WWOX: variants seen among roughly 807,000 people sequenced by gnomAD.
WWOX encodes WW domain-containing oxidoreductase.
WWOX carries 69 observed loss-of-function variants against 46.2 expected under a neutral mutation model. That is an observed-to-expected ratio of 1.49 (90% confidence interval 1.23 to 1.82). The LOEUF is 1.82. Ranked by LOEUF, WWOX falls within the 40% of genes most tolerant of loss-of-function variation. WWOX has a pLI of 0.00. For missense variants in WWOX, 919 were observed against 542.6 expected, an observed-to-expected ratio of 1.69 and a Z score of -6.89; for synonymous variants, 359 against 202.6, an observed-to-expected ratio of 1.77 and a Z score of -6.56.
chr16:79,027,994 T>C lies in WWOX; in HGVS notation c.1057-183614T>C, dbSNP rs146509607. 4.8e-3 allele frequency among the ~76,000 whole-genome samples: 725 copies of C among 151,904 alleles called. 32 individuals are homozygous for C. Among genetic ancestry groups the C allele is most frequent in the African/African-American group, 0.017 (684 of 41,210 alleles). ...TGAGACGGAGTGTCGCTCTGTCGCCTAGGCTGGAGTGCAGTGGTGCAATCT... is the reference window on the plus strand; with the variant it reads ...TGAGACGGAGTGTCGCTCTGTCGCCCAGGCTGGAGTGCAGTGGTGCAATCT... On this transcript the variant is annotated intron_variant, in intron 8 of 8. Coordinates refer to ENST00000566780, the MANE Select transcript of WWOX (RefSeq NM_016373.4).
intron 8 of WWOX, among the ~76,000 whole-genome samples, chr16:79,154,553 C>G (rs975307744): frequency 6.6e-6 from 1 of 150,394 alleles, no homozygotes; most frequent in Non-Finnish European, 1.5e-5. Context: ...TATAGCCACT[C>G]TTTTCTGAAG....
Position 78,578,363 on chromosome 16 carries a change from C to G in WWOX, c.1056+145611C>G, listed in dbSNP as rs550262626. ...GGAGTGCAGTGGCGCAATCTCGGCTCACTGCAAGCTCCGCCTCCCGGGTTC... is the reference window on the plus strand; with the variant it reads ...GGAGTGCAGTGGCGCAATCTCGGCTGACTGCAAGCTCCGCCTCCCGGGTTC... On this transcript the variant is annotated intron_variant, in intron 8 of 8. Transcript: ENST00000566780. 2.0e-3 allele frequency among the ~76,000 whole-genome samples: 269 copies of G among 136,586 alleles called. 1 individual carries two copies. The highest frequency in any genetic ancestry group is 3.9e-3 in the Admixed American group (50 of 12,806). 89.6% of individuals were successfully genotyped at this position (136,586 alleles called of 152,430 possible). A position where few individuals can be genotyped will look rare whatever the true frequency, so the allele number is the denominator to read the frequency against.
intron 8 of WWOX, among the ~76,000 whole-genome samples, chr16:78,718,095 G>GTTTTTTTTTTTTATTTTTTT (rs2048610447): frequency 6.9e-6 from 1 of 145,764 alleles, no homozygotes; most frequent in African/African-American, 2.6e-5. Context: ...TCTGGTGGTT[G>GTTTTTTTTTTTTATTTTTTT]TATTTTTGCC....
intron 8 of WWOX, among the ~76,000 whole-genome samples, chr16:78,717,741 C>T (rs771162564): frequency 6.6e-6 from 1 of 152,170 alleles, no homozygotes; most frequent in Non-Finnish European, 1.5e-5. Context: ...TTGGGTTGGA[C>T]TCTGATGGAT....
chr16:78,758,781 T>A (rs908166132), intron 8 of WWOX, among the ~76,000 whole-genome samples: 1 of 152,106 alleles, frequency 6.6e-6, no homozygotes, highest in Non-Finnish European at 1.5e-5. Flanking sequence ...AGGGCAATGA[T>A]GTATACAAGA....
chr16:78,254,302 C>T (rs768572767), intron 5 of WWOX, among the ~76,000 whole-genome samples: 36 of 151,796 alleles, frequency 2.4e-4, no homozygotes, highest in Admixed American at 1.3e-4. Context: ...CAGGGCTAGT[C>T]TCGAACTCCT....
chr16:79,138,421 T>G (rs1229118902), intron 8 of WWOX, among the ~76,000 whole-genome samples: 1 of 152,166 alleles, frequency 6.6e-6, no homozygotes, highest in East Asian at 1.9e-4. Flanking sequence ...TGCCACAGTT[T>G]AAGTATCACC....
Position 79,066,108 on chromosome 16 carries a change from T to C in WWOX, c.1057-145500T>C, listed in dbSNP as rs115182710. ...ACACCTGTCTCCTGTCTCCTGCTTT[T>C]TCTTTTTGTGCACTGCCCAAGAACC... On this transcript the variant is annotated intron_variant, in intron 8 of 8. Transcript: ENST00000566780. Among the ~76,000 whole-genome samples, 824 of 152,306 alleles carry C rather than the reference T, an allele frequency of 5.4e-3. 9 individuals are homozygous for C. Among genetic ancestry groups the C allele is most frequent in the African/African-American group, 0.019 (782 of 41,570 alleles).
chr16:79,091,775 C>CTTTTTTTTTTT lies in WWOX; in HGVS notation c.1057-119830_1057-119829insTTTTTTTTTTT, dbSNP rs771753213. Among the ~76,000 whole-genome samples, 65 of 126,814 alleles carry CTTTTTTTTTTT rather than the reference C, an allele frequency of 5.1e-4. 1 individual carries two copies. Among genetic ancestry groups the CTTTTTTTTTTT allele is most frequent in the South Asian group, 7.7e-4 (3 of 3,882 alleles). 83.2% of individuals were successfully genotyped at this position (126,814 alleles called of 152,430 possible). On this transcript the variant is annotated intron_variant, in intron 8 of 8. Coordinates refer to ENST00000566780, the MANE Select transcript of WWOX (RefSeq NM_016373.4). ...CGACCGCATCTTTTTCTTTTCTTTT[C>CTTTTTTTTTTT]TTTGTTTTTTTTTTTTTTTTTTTTG...
intron 8 of WWOX, among the ~76,000 whole-genome samples, chr16:79,056,443 A>C (rs1051360240): frequency 2.0e-5 from 3 of 152,184 alleles, no homozygotes; most frequent in Admixed American, 1.3e-4. Flanking sequence ...GGATAGGTAA[A>C]TGTATCTGGG....
At position 78,774,509 on chromosome 16, in the gene WWOX, TGTGTGTGTGTGTGTGTGTGTGTGC is replaced by T. The variant is rs796782220; in HGVS notation, c.1056+341759_1056+341782del. ...GACAGACCCATTTTGTGTGTGTGTGTGTGTGTGTGTGTGTGTGTGTGTGCGCGTGCGCACACGCATGAGCCTGTA... is the reference window on the plus strand; with the variant it reads ...GACAGACCCATTTTGTGTGTGTGTGTGCGTGCGCACACGCATGAGCCTGTA... On this transcript the variant is annotated intron_variant, in intron 8 of 8. Coordinates refer to ENST00000566780, the MANE Select transcript of WWOX (RefSeq NM_016373.4). 2.2e-4 allele frequency among the ~76,000 whole-genome samples: 11 copies of T among 49,370 alleles called. No homozygotes were observed. The South Asian group carries it at 5.6e-3, about 25-fold the overall frequency. 32.4% of individuals were successfully genotyped at this position (49,370 alleles called of 152,430 possible). A position where few individuals can be genotyped will look rare whatever the true frequency, so the allele number is the denominator to read the frequency against.
At chr16:79,109,649 C>G (rs1007740077) in intron 8 of WWOX, among the ~76,000 whole-genome samples, 2 of 152,094 alleles carry the variant, frequency 1.3e-5, no homozygotes, top group Admixed American at 6.6e-5. Flanking sequence ...AAAATGAACA[C>G]TGGGGTATTT....
chr16:79,123,186 G>A (rs958011984), intron 8 of WWOX, among the ~76,000 whole-genome samples: 4 of 152,114 alleles, frequency 2.6e-5, no homozygotes, highest in Non-Finnish European at 4.4e-5. Flanking sequence ...CCGCTGGTCT[G>A]TGCTCAACAG....
intron 8 of WWOX, among the ~76,000 whole-genome samples, chr16:79,008,338 T>C (rs898564856): frequency 1.3e-5 from 2 of 152,216 alleles, no homozygotes; most frequent in Non-Finnish European, 2.9e-5. Flanking sequence ...AGCGATTAGA[T>C]CAGTCCCACT....
intron 8 of WWOX, among the ~76,000 whole-genome samples, chr16:78,485,813 T>C (rs955619521): frequency 2.0e-5 from 3 of 152,198 alleles, no homozygotes; most frequent in Admixed American, 6.5e-5. Flanking sequence ...GCAAACCTAC[T>C]TTCCACCGCC....
At position 78,343,792 on chromosome 16, in the gene WWOX, G is replaced by A. The variant is rs564741280; in HGVS notation, c.517-43068G>A. Among the ~76,000 whole-genome samples, 18 of 120,562 alleles carry A rather than the reference G, an allele frequency of 1.5e-4. 6 individuals are homozygous for A. Among genetic ancestry groups the A allele is most frequent in the Non-Finnish European group, 3.4e-4 (17 of 50,368 alleles). 79.1% of individuals were successfully genotyped at this position (120,562 alleles called of 152,430 possible). On this transcript the variant is annotated intron_variant, in intron 5 of 8. Coordinates refer to ENST00000566780, the MANE Select transcript of WWOX (RefSeq NM_016373.4). ...ATACCAAGGACTAAAGGAGTGACTT[G>A]CTCTCAGTTCTTTGTCATTCAGCTG...
chr16:78,173,956 A>G (rs578152652), intron 5 of WWOX, among the ~76,000 whole-genome samples: 2 of 148,578 alleles, frequency 1.3e-5, no homozygotes, highest in African/African-American at 4.9e-5. Context: ...GCTGAGAGGA[A>G]TTGAGAGAGA....
intron 6 of WWOX, among the ~76,000 whole-genome samples, chr16:78,410,707 A>G (rs978483864): frequency 6.6e-6 from 1 of 151,522 alleles, no homozygotes; most frequent in Non-Finnish European, 1.5e-5. Flanking sequence ...TTGGGGGGCT[A>G]AGGCTGGAGA....
intron 8 of WWOX, among the ~76,000 whole-genome samples, chr16:79,079,941 CT>C (rs1437893123): frequency 2.0e-5 from 2 of 99,846 alleles, no homozygotes; most frequent in African/African-American, 1.1e-4. Context: ...CTTCCACCCC[CT>C]GGGATGCTGA....
Sources: allele counts gnomAD v4.1 joint callset (sites outside exome capture counted in the v4.1 genomes callset), GRCh38; gene constraint gnomAD v4.1.1; transcripts MANE v1.5; gene names NCBI Gene and HGNC (gene_info 2026-07-23, HGNC 2026-07-21).